VPS37A: variants seen among roughly 807,000 people sequenced by gnomAD.
VPS37A encodes vacuolar protein sorting-associated protein 37A.
VPS37A carries 30 observed loss-of-function variants against 49.8 expected under a neutral mutation model. That is an observed-to-expected ratio of 0.60 (90% CI 0.45 to 0.82). VPS37A has a LOEUF of 0.82. VPS37A is among the 40% of genes least tolerant of loss of function. The pLI is 0.00. For missense variants in VPS37A, 593 were observed against 464.4 expected (o/e 1.28, Z -2.55); for synonymous variants, 195 against 160.6 (o/e 1.21, Z -1.62).
downstream of VPS37A, chr8:17,298,042 TA>T (rs1255417484): frequency 6.6e-6 from 1 of 152,188 alleles, no homozygotes; most frequent in African/African-American, 2.4e-5. Context: ...TGTCATTTTT[TA>T]AAAAATGTTT....
chr8:17,291,430 ATTT>A (rs34051181), intron 11 of VPS37A, among the ~76,000 whole-genome samples: 2 of 129,028 alleles, frequency 1.6e-5, no homozygotes, highest in Non-Finnish European at 3.3e-5. Context: ...GGATTCATTG[ATTT>A]TTTTTTTTTT....
chr8:17,304,288 A>T, downstream of VPS37A: 1 of 1,392,516 alleles, frequency 7.2e-7, no homozygotes, highest in South Asian at 1.5e-5. Context: ...AGCCTCAAAG[A>T]TCAGTGTCAT....
At chr8:17,247,394 G>A (rs770688795) in intron 1 of VPS37A, 25 bp downstream of exon 1, 96 of 593,350 alleles carry the variant, frequency 1.6e-4, no homozygotes, top group East Asian at 6.7e-5. Flanking sequence ...CCTCTCCACC[G>A]GAGGAAAAAG....
chr8:17,329,459 T>C, the VPS37A span, among the ~76,000 whole-genome samples: 3,683 of 152,272 alleles, frequency 0.024, 68 homozygotes, highest in Non-Finnish European at 0.035. Context: ...GCATGTTCTT[T>C]AGAAAACAGT....
At chr8:17,271,954 A>G (rs377350406) in intron 4 of VPS37A, 6 of 456,082 alleles carry the variant, frequency 1.3e-5, no homozygotes, top group South Asian at 9.3e-5. Context: ...CATATTTAGC[A>G]GTTCTTTAAT....
At chr8:17,260,147 A>G (rs529684286) in intron 1 of VPS37A, among the ~76,000 whole-genome samples, 2 of 152,102 alleles carry the variant, frequency 1.3e-5, no homozygotes, top group South Asian at 4.2e-4. Flanking sequence ...CTTTCTTACT[A>G]TCTTCCTTTG....
At position 17,247,092 on chromosome 8, in the gene VPS37A, C is replaced by A; in HGVS notation, c.-153C>A. 4 of 976,058 alleles carry A rather than the reference C, an allele frequency of 4.1e-6. No individual in the cohort carries two copies. The highest frequency in any genetic ancestry group is 6.0e-6 in the Non-Finnish European group (4 of 671,640). The allele number at this position is 976,058 out of a possible 1,614,324, so 60.5% of individuals were successfully genotyped here. ...CATGTCCCCCAGAACTCGGGGAGCG[C>A]AGGCAGGACAGGCTTAGAGAAGACG... is the stretch of plus-strand genomic sequence containing the variant. On this transcript the variant is annotated 5_prime_UTR_variant, in exon 1 of 12. Transcript: ENST00000324849.
chr8:17,269,629 C>G (rs1039361156), intron 4 of VPS37A, among the ~76,000 whole-genome samples: 3 of 152,202 alleles, frequency 2.0e-5, no homozygotes, highest in Non-Finnish European at 4.4e-5. Flanking sequence ...CTTCTTCCCT[C>G]CATTCTGAGT....
the VPS37A span, among the ~76,000 whole-genome samples, chr8:17,315,956 T>C: frequency 6.6e-5 from 10 of 152,194 alleles, no homozygotes; most frequent in African/African-American, 2.4e-4. Context: ...GAGGCTGCAG[T>C]GAGCTATGAT....
At chr8:17,329,037 G>A in the VPS37A span, among the ~76,000 whole-genome samples, 4 of 152,244 alleles carry the variant, frequency 2.6e-5, no homozygotes, top group East Asian at 1.9e-4. Context: ...AAACCAGAAC[G>A]CAAACAATTT....
chr8:17,259,720 A>G (rs1179234542), intron 1 of VPS37A, among the ~76,000 whole-genome samples: 6 of 152,070 alleles, frequency 3.9e-5, no homozygotes, highest in African/African-American at 1.2e-4. Context: ...CTTTAGGTTC[A>G]TTAATGTTTG....
the VPS37A span, chr8:17,313,330 T>C: frequency 6.2e-7 from 1 of 1,613,590 alleles, no homozygotes; most frequent in Non-Finnish European, 8.5e-7. Context: ...ATGGCTTTAA[T>C]GTGCCTTAAC....
chr8:17,270,499 C>T (rs1469738713), intron 4 of VPS37A, among the ~76,000 whole-genome samples: 1 of 152,030 alleles, frequency 6.6e-6, no homozygotes, highest in African/African-American at 2.4e-5. Flanking sequence ...GGTCAGGATC[C>T]CAAGAGAGAG....
At chr8:17,328,285 T>C in the VPS37A span, among the ~76,000 whole-genome samples, 4 of 152,100 alleles carry the variant, frequency 2.6e-5, no homozygotes, top group Non-Finnish European at 5.9e-5. Flanking sequence ...AGTAACTCCA[T>C]ACACCTTTCC....
chr8:17,326,231 C>T, the VPS37A span: 1 of 152,142 alleles, frequency 6.6e-6, no homozygotes, highest in Admixed American at 6.6e-5. Context: ...GGTGGTTCTA[C>T]CACTTACTAT....
At chr8:17,248,829 A>T (rs563189326) in intron 1 of VPS37A, among the ~76,000 whole-genome samples, 3 of 152,316 alleles carry the variant, frequency 2.0e-5, no homozygotes, top group Admixed American at 2.0e-4. Context: ...GTTTAACAGA[A>T]AAGAATGGCA....
In VPS37A at chr8:17,274,769, T is replaced by C; in HGVS notation, c.453T>C (p.Ala151=). ...ACCCAAGTGGGATGTCTCCTTATGC[T>C]TCTCAGGGTTTTCCATTTCTTCCTC... The part of the protein sequence containing the change: ...YSNPSGMSPY[A]SQGFPFLPPY... Residue 151 remains alanine, a synonymous_variant, in exon 5 of 12, where the codon GCT becomes GCC. Coordinates refer to ENST00000324849, the MANE Select transcript of VPS37A (RefSeq NM_152415.3). The C allele has an allele frequency of 1.2e-6, 2 of 1,614,188 alleles. No individual in the cohort carries two copies. The highest frequency in any genetic ancestry group is 1.7e-6 in the Non-Finnish European group (2 of 1,180,024).
intron 4 of VPS37A, among the ~76,000 whole-genome samples, chr8:17,273,835 A>G (rs1814245147): frequency 1.3e-5 from 2 of 152,120 alleles, no homozygotes; most frequent in South Asian, 4.1e-4. Context: ...ATTAAATGAA[A>G]TAATAGTACT....
chr8:17,252,698 A>G (rs933203367), intron 1 of VPS37A, among the ~76,000 whole-genome samples: 10 of 152,104 alleles, frequency 6.6e-5, no homozygotes, highest in African/African-American at 1.2e-4. Flanking sequence ...CTAGTTTGCA[A>G]TTCACTCCCT....
Sources: allele counts gnomAD v4.1 joint callset (sites outside exome capture counted in the v4.1 genomes callset), GRCh38; gene constraint gnomAD v4.1.1; transcripts MANE v1.5; gene names NCBI Gene and HGNC (gene_info 2026-07-23, HGNC 2026-07-21).